The following BIN3 variants were observed in gnomAD, a reference collection of about 807,000 sequenced individuals.
BIN3 encodes the protein bridging integrator 3.
BIN3 carries 41 observed loss-of-function variants against 38.2 expected under a neutral mutation model. That is an observed-to-expected ratio of 1.07 (90% CI 0.84 to 1.39). BIN3 has a LOEUF of 1.39. Ranked by LOEUF, BIN3 falls within the 40% of genes most tolerant of loss-of-function variation. The pLI, the probability that BIN3 is intolerant of heterozygous loss-of-function variation, is 0.00. For missense variants in BIN3, 361 were observed against 324.3 expected, an observed-to-expected ratio of 1.11 and a Z score of -0.87; for synonymous variants, 145 against 122.6, an observed-to-expected ratio of 1.18 and a Z score of -1.21.
chr8:22,659,329 G>A (rs952058820), intron 1 of BIN3, among the ~76,000 whole-genome samples: 1 of 152,178 alleles, frequency 6.6e-6, no homozygotes, highest in Non-Finnish European at 1.5e-5. Flanking sequence ...AGAACACACA[G>A]AAATTGACCC....
intron 1 of BIN3, among the ~76,000 whole-genome samples, chr8:22,647,768 C>T (rs776249447): frequency 2.0e-5 from 3 of 152,122 alleles, no homozygotes; most frequent in Admixed American, 6.5e-5. Flanking sequence ...TATTTTTCAA[C>T]TCACCTGCTC....
intron 2 of BIN3, among the ~76,000 whole-genome samples, chr8:22,638,916 G>A (rs931475139): frequency 2.6e-5 from 4 of 152,142 alleles, no homozygotes; most frequent in Admixed American, 6.5e-5. Context: ...AAAGCTACTC[G>A]TAAGAAAAAA....
At chr8:22,623,304 G>A (rs979028636) in intron 8 of BIN3, among the ~76,000 whole-genome samples, 3 of 152,288 alleles carry the variant, frequency 2.0e-5, no homozygotes, top group African/African-American at 7.2e-5. Flanking sequence ...GTGTCCTCCC[G>A]TCCCCGAGTG....
chr8:22,634,459 CCTTTT>C (rs1334900578), intron 4 of BIN3: 3 of 456,018 alleles, frequency 6.6e-6, no homozygotes, highest in Non-Finnish European at 1.3e-5. Context: ...GGAACGCTTT[CCTTTT>C]GTGATCAGTG....
chr8:22,654,304 T>C (rs777584513), intron 1 of BIN3, among the ~76,000 whole-genome samples: 1 of 152,236 alleles, frequency 6.6e-6, no homozygotes, highest in Non-Finnish European at 1.5e-5. Flanking sequence ...TAGATGTATG[T>C]ATTCAATCTG....
intron 8 of BIN3, among the ~76,000 whole-genome samples, chr8:22,623,467 A>G (rs988475325): frequency 1.3e-5 from 2 of 151,690 alleles, no homozygotes; most frequent in South Asian, 4.2e-4. Flanking sequence ...CCAAGGCAGG[A>G]CTCCCGCCGT....
intron 4 of BIN3, among the ~76,000 whole-genome samples, chr8:22,631,114 C>T (rs984615481): frequency 1.2e-4 from 18 of 152,080 alleles, no homozygotes; most frequent in Non-Finnish European, 2.6e-4. Context: ...CTGCCAGCGA[C>T]AACACATAAA....
rs116912115 is a variant in BIN3 at position 22,655,576 on chromosome 8, A to G, written c.9-10773T>C. Among the ~76,000 whole-genome samples, 357 of 152,272 alleles carry G rather than the reference A, an allele frequency of 2.3e-3. 7 individuals carry two copies. In the East Asian group the frequency reaches 0.063, roughly 27 times the overall value. On this transcript the variant is annotated intron_variant, in intron 1 of 8. Coordinates refer to ENST00000276416, the MANE Select transcript of BIN3 (RefSeq NM_018688.6). ...GTTCTGGCATCTTTGTTACAAATCA[A>G]TTGTCCATATATGTAAGGGTTTATT...
chr8:22,645,342 C>T (rs1585194201), intron 1 of BIN3, among the ~76,000 whole-genome samples: 1 of 151,860 alleles, frequency 6.6e-6, no homozygotes, highest in Non-Finnish European at 1.5e-5. Context: ...ATTAGCCGGG[C>T]GTGGTGGCAC....
chr8:22,641,790 T>G (rs1802570219), intron 2 of BIN3, among the ~76,000 whole-genome samples: 1 of 152,204 alleles, frequency 6.6e-6, no homozygotes, highest in African/African-American at 2.4e-5. Context: ...AGACTCACAG[T>G]AACCCTTGTT....
intron 2 of BIN3, among the ~76,000 whole-genome samples, chr8:22,643,830 C>T (rs997299103): frequency 2.6e-5 from 4 of 152,222 alleles, no homozygotes; most frequent in East Asian, 1.9e-4. Flanking sequence ...AGCACAGCAC[C>T]GGACTTCCTG....
intron 4 of BIN3, among the ~76,000 whole-genome samples, chr8:22,636,030 C>G (rs556610834): frequency 1.2e-4 from 19 of 152,330 alleles, no homozygotes; most frequent in Non-Finnish European, 2.4e-4. Context: ...TCCCAAGGAC[C>G]TCCCGGTGCC....
At chr8:22,642,487 G>T (rs1802595155) in intron 2 of BIN3, among the ~76,000 whole-genome samples, 1 of 152,204 alleles carries the variant, frequency 6.6e-6, no homozygotes, top group African/African-American at 2.4e-5. Flanking sequence ...GAGATCAAAG[G>T]CCCAGCCGAC....
At chr8:22,636,718 G>C in intron 3 of BIN3, 132 bp from the exon 4 acceptor site, 1 of 1,064,434 alleles carries the variant, frequency 9.4e-7, no homozygotes, top group Non-Finnish European at 1.4e-6. Context: ...CCCGCTGACT[G>C]AAGTGCCACT....
intron 8 of BIN3, among the ~76,000 whole-genome samples, chr8:22,622,993 G>A (rs1192408466): frequency 2.6e-5 from 4 of 152,226 alleles, no homozygotes; most frequent in Non-Finnish European, 5.9e-5. Context: ...CAGGGTGGGT[G>A]TGCACTGGCC....
chr8:22,659,902 T>A (rs901782506), intron 1 of BIN3, among the ~76,000 whole-genome samples: 2 of 152,168 alleles, frequency 1.3e-5, no homozygotes, highest in Non-Finnish European at 2.9e-5. Flanking sequence ...AAGGTAGTAG[T>A]GGTATTTTGA....
intron 8 of BIN3, 138 bp downstream of exon 8, chr8:22,623,777 G>A: frequency 8.7e-7 from 1 of 1,150,584 alleles, no homozygotes. Context: ...GTAATGGAAT[G>A]AATTCCTTCA....
intron 1 of BIN3, among the ~76,000 whole-genome samples, chr8:22,662,305 A>C (rs1169032761): frequency 2.6e-5 from 4 of 152,132 alleles, no homozygotes; most frequent in African/African-American, 2.4e-5. Flanking sequence ...AATTCCTACT[A>C]TTCCTCACCC....
At chr8:22,636,647 C>T (rs1037831126) in intron 3 of BIN3, 61 bp from the exon 4 acceptor site, 4 of 1,524,188 alleles carry the variant, frequency 2.6e-6, no homozygotes, top group African/African-American at 1.4e-5. Flanking sequence ...GAGCGAAGCC[C>T]AGGTGCTCTG....
Sources: allele counts gnomAD v4.1 joint callset (sites outside exome capture counted in the v4.1 genomes callset), GRCh38; gene constraint gnomAD v4.1.1; transcripts MANE v1.5; gene names NCBI Gene and HGNC (gene_info 2026-07-23, HGNC 2026-07-21).